MR1: variants seen among roughly 807,000 people sequenced by gnomAD.
MR1 encodes major histocompatibility complex, class I-related.
MR1 carries 44 observed loss-of-function variants against 37.8 expected under a neutral mutation model. That is an observed-to-expected ratio of 1.16 (90% confidence interval 0.91 to 1.50). The LOEUF (loss-of-function observed/expected upper bound fraction) is 1.50, where lower values mean the gene tolerates loss of function less well. MR1 is among the 40% of genes most tolerant of loss of function. The pLI is 0.00. For missense variants in MR1, 386 were observed against 419.1 expected (o/e 0.92, Z 0.69); for synonymous variants, 153 against 155.8 (o/e 0.98, Z 0.13).
Position 181,052,272 on chromosome 1 carries a change from T to A in MR1, c.642T>A (p.Phe214Leu). ...TCAGAGTAAATCGCAAAGAAACTTT[T>A]CCAGGGGTTACAGCTCTCTTCTGCA... ...PLVRVNRKET[F>L]PGVTALFCKA... Residue 214 changes from phenylalanine to leucine, a missense_variant, in exon 4 of 6, where the codon TTT becomes TTA. By Grantham distance (22) the Phe-to-Leu change is conservative. Transcript: ENST00000367580. The A allele has an allele frequency of 6.2e-7, 1 of 1,614,212 alleles. No homozygotes were observed. The highest frequency in any genetic ancestry group is 2.2e-5 in the East Asian group (1 of 44,894).
intron 1 of MR1, among the ~76,000 whole-genome samples, chr1:181,044,939 A>G (rs1224284798): frequency 6.6e-6 from 1 of 152,182 alleles, no homozygotes; most frequent in East Asian, 1.9e-4. Flanking sequence ...CTGGAGGGAG[A>G]CACCAGCTTT....
intron 1 of MR1, among the ~76,000 whole-genome samples, chr1:181,044,012 G>A (rs574936577): frequency 8.0e-4 from 112 of 140,030 alleles, no homozygotes; most frequent in African/African-American, 2.9e-3. Flanking sequence ...CGCCCAGGCT[G>A]GAGTGCAGTG....
Position 181,049,247 on chromosome 1 carries a change from T to C in MR1, c.263T>C (p.Leu88Pro), listed in dbSNP as rs1014603889. The change falls in exon 2 of 6, where the codon CTG becomes CCG. Residue 88 changes from leucine to proline, a missense_variant. Coordinates refer to ENST00000367580, the MANE Select transcript of MR1 (RefSeq NM_001385161.1). Reference sequence around the variant, plus strand: ...CACTGGGAGAGGTACACTCAGCTGCTGAGGGGCTGGCAGCAGATGTTCAAG... The same window carrying C: ...CACTGGGAGAGGTACACTCAGCTGCCGAGGGGCTGGCAGCAGATGTTCAAG... ...PDHWERYTQL[L>P]RGWQQMFKVE... 6 of 1,614,084 alleles carry C rather than the reference T, an allele frequency of 3.7e-6. No individual in the cohort carries two copies. The African/African-American group carries it at 8.0e-5, about 22-fold the overall frequency.
At chr1:181,033,868 T>C, upstream of MR1, 1 of 634,264 alleles carries the variant, frequency 1.6e-6, no homozygotes, top group Non-Finnish European at 2.6e-6. Flanking sequence ...TTTCATTTTA[T>C]CTTTTTTTTT....
intron 1 of MR1, among the ~76,000 whole-genome samples, chr1:181,047,079 C>T (rs543469612): frequency 2.8e-4 from 42 of 152,236 alleles, no homozygotes; most frequent in African/African-American, 9.9e-4. Context: ...ACACCACCAC[C>T]CATAATGCCA....
chr1:181,054,569 G>C (rs527945580), intron 5 of MR1, among the ~76,000 whole-genome samples: 6 of 152,306 alleles, frequency 3.9e-5, no homozygotes, highest in African/African-American at 1.4e-4. Flanking sequence ...TCAGCTCAGA[G>C]GCCGGGCGTG....
Position 181,056,275 on chromosome 1 carries a change from A to T in MR1, c.*1010A>T, listed in dbSNP as rs1197657087. The T allele has an allele frequency of 4.6e-5, 7 of 151,838 alleles. No individual in the cohort carries two copies. The highest frequency in any genetic ancestry group is 6.6e-5 in the Admixed American group (1 of 15,238). 9.4% of individuals were successfully genotyped at this position (151,838 alleles called of 1,614,324 possible). A position where few individuals can be genotyped will look rare whatever the true frequency, so the allele number is the denominator to read the frequency against. Reference sequence around the variant, plus strand: ...GCTACTTGGGAGGCTGAGACAGGGGAATTGCTTGAACCCGGGAGGCAGAGA... The same window carrying T: ...GCTACTTGGGAGGCTGAGACAGGGGTATTGCTTGAACCCGGGAGGCAGAGA... On this transcript the variant is annotated 3_prime_UTR_variant, in exon 6 of 6. Transcript: ENST00000367580.
At position 181,052,293 on chromosome 1, in the gene MR1, CT is replaced by C. The variant is rs1225576942; in HGVS notation, c.664del (p.Cys222AlafsTer13). On this transcript the variant is annotated frameshift_variant, in exon 4 of 6. Coordinates refer to ENST00000367580, the MANE Select transcript of MR1 (RefSeq NM_001385161.1). LOFTEE classifies it high-confidence loss of function. ...CTTTTCCAGGGGTTACAGCTCTCTTCTGCAAAGCTCATGGCTTTTACCCCCC... is the reference window on the plus strand; with the variant it reads ...CTTTTCCAGGGGTTACAGCTCTCTTCGCAAAGCTCATGGCTTTTACCCCCC... ...ETFPGVTALF[C>X]KAHGFYPPEI... 6.2e-7 allele frequency: 1 copy of C among 1,614,232 alleles called. No individual in the cohort carries two copies. The highest frequency in any genetic ancestry group is 1.7e-5 in the Admixed American group (1 of 60,024).
chr1:181,040,947 T>C, intron 1 of MR1, among the ~76,000 whole-genome samples: 1 of 151,934 alleles, frequency 6.6e-6, no homozygotes. Flanking sequence ...CTGGGTGTAG[T>C]GGCAGGCGCC....
At position 181,052,313 on chromosome 1, in the gene MR1, A is replaced by AC. The variant is rs1254492579; in HGVS notation, c.689dup (p.Glu231ArgfsTer18). ...CTCTTCTGCAAAGCTCATGGCTTTT[A>AC]CCCCCCAGAAATTTACATGACATGG... On this transcript the variant is annotated frameshift_variant, in exon 4 of 6. Transcript: ENST00000367580. LOFTEE classifies it high-confidence loss of function. 1 of 1,614,012 alleles carries AC rather than the reference A, an allele frequency of 6.2e-7. No individual in the cohort carries two copies. Among genetic ancestry groups the AC allele is most frequent in the East Asian group, 2.2e-5 (1 of 44,892 alleles).
intron 1 of MR1, among the ~76,000 whole-genome samples, chr1:181,041,285 T>C (rs997487025): frequency 6.6e-6 from 1 of 152,204 alleles, no homozygotes; most frequent in African/African-American, 2.4e-5. Flanking sequence ...CTGGTGATAC[T>C]TAACTGGAAT....
intron 1 of MR1, among the ~76,000 whole-genome samples, chr1:181,039,858 T>C (rs1657462110): frequency 8.0e-6 from 1 of 125,696 alleles, no homozygotes; most frequent in Non-Finnish European, 1.6e-5. Context: ...AGAGCGAGAC[T>C]CCATCTCAAA....
intron 1 of MR1, among the ~76,000 whole-genome samples, chr1:181,046,197 A>C (rs12041646): frequency 0.098 from 14,933 of 152,206 alleles, 766 homozygotes; most frequent in Middle Eastern, 0.15. Context: ...TGACCACCCA[A>C]GGGCTGAGGA....
At chr1:181,036,758 AT>A (rs1294434222) in intron 1 of MR1, among the ~76,000 whole-genome samples, 1 of 152,082 alleles carries the variant, frequency 6.6e-6, no homozygotes, top group Non-Finnish European at 1.5e-5. Flanking sequence ...AGATATCTTC[AT>A]TTTTTTCTTA....
rs1023414230 is a variant in MR1, at chr1:181,052,084, G to A, written c.605-151G>A. 3.0e-5 allele frequency: 26 copies of A among 858,184 alleles called. 2 individuals are homozygous for A. The highest frequency in any genetic ancestry group is 3.1e-4 in the Middle Eastern group (1 of 3,208). 53.2% of individuals were successfully genotyped at this position (858,184 alleles called of 1,614,324 possible). On this transcript the variant is annotated intron_variant, in intron 3 of 5. Coordinates refer to ENST00000367580, the MANE Select transcript of MR1 (RefSeq NM_001385161.1). The stretch of plus-strand genomic sequence containing the variant: ...CATCATGGAAGGTATACGTAAATAC[G>A]TTTGTTGTTGATGAACCTGAGTTCT...
At chr1:181,042,661 C>A (rs1343597306) in intron 1 of MR1, among the ~76,000 whole-genome samples, 2 of 151,852 alleles carry the variant, frequency 1.3e-5, no homozygotes, top group African/African-American at 4.8e-5. Flanking sequence ...CAAAAATTAG[C>A]CAGGCGTGAT....
chr1:181,040,808 G>T (rs1413459376), intron 1 of MR1, among the ~76,000 whole-genome samples: 1 of 152,114 alleles, frequency 6.6e-6, no homozygotes, highest in Non-Finnish European at 1.5e-5. Flanking sequence ...ACACAGCCAG[G>T]CACGGTGGCT....
At chr1:181,046,257 G>C (rs1657860284) in intron 1 of MR1, among the ~76,000 whole-genome samples, 1 of 152,272 alleles carries the variant, frequency 6.6e-6, no homozygotes, top group Non-Finnish European at 1.5e-5. Flanking sequence ...TGCAGCCCCA[G>C]TGGGGGATCC....
In MR1 at chr1:181,052,222, T is replaced by C; in HGVS notation, c.605-13T>C. On this transcript the variant is annotated splice_polypyrimidine_tract_variant and intron_variant, in intron 3 of 5. Transcript: ENST00000367580. ...TAAGGCACTTTGATTTAACTTTAGCTTCTTCTTCCTAGAGCCCCCACTGGT... is the reference window on the plus strand; with the variant it reads ...TAAGGCACTTTGATTTAACTTTAGCCTCTTCTTCCTAGAGCCCCCACTGGT... 1 of 1,611,406 alleles carries C rather than the reference T, an allele frequency of 6.2e-7. No homozygotes were observed. Among genetic ancestry groups the C allele is most frequent in the Non-Finnish European group, 8.5e-7 (1 of 1,178,342 alleles).
Sources: gnomAD v4.1 joint callset for allele counts (sites outside exome capture counted in the v4.1 genomes callset) on GRCh38, gnomAD v4.1.1 for gene constraint, MANE v1.5 for transcripts, NCBI Gene and HGNC (gene_info 2026-07-23, HGNC 2026-07-21) for gene names.